Variants in CNTLN observed in about 807,000 individuals in gnomAD.
CNTLN encodes the protein centlein.
In CNTLN, 212 loss-of-function variants were observed where a neutral mutation model predicts 180.0. That is an observed-to-expected ratio of 1.18 (90% CI 1.05 to 1.32). The LOEUF (loss-of-function observed/expected upper bound fraction) is 1.32, where lower values mean the gene tolerates loss of function less well. Ranked by LOEUF, CNTLN falls within the 40% of genes most tolerant of loss-of-function variation. The probability of loss-of-function intolerance (pLI) is 0.00; values close to 1 mark genes in which losing one functional copy is unlikely to be tolerated. For synonymous variants in CNTLN, 722 were observed against 563.1 expected, an observed-to-expected ratio of 1.28 and a Z score of -3.99; for missense variants, 2,095 against 1,610.9, an observed-to-expected ratio of 1.30 and a Z score of -5.14.
At chr9:17,353,115 GT>G (rs1210576566) in intron 12 of CNTLN, among the ~76,000 whole-genome samples, 1 of 151,842 alleles carries the variant, frequency 6.6e-6, no homozygotes, top group East Asian at 1.9e-4. Context: ...ATCTATGTTT[GT>G]TTTTTATTTT....
intron 25 of CNTLN, chr9:17,487,282 T>C (rs1307611927): frequency 1.9e-6 from 1 of 516,104 alleles, no homozygotes; most frequent in East Asian, 3.6e-5. Flanking sequence ...CCAACATGGG[T>C]CTTAGCAAAT....
At chr9:17,326,507 A>C (rs1215629523) in intron 8 of CNTLN, among the ~76,000 whole-genome samples, 1 of 152,108 alleles carries the variant, frequency 6.6e-6, no homozygotes, top group East Asian at 1.9e-4. Context: ...CATGTATATC[A>C]TATATTTTAT....
intron 13 of CNTLN, among the ~76,000 whole-genome samples, chr9:17,371,113 A>G (rs1824281865): frequency 6.6e-6 from 1 of 152,196 alleles, no homozygotes; most frequent in African/African-American, 2.4e-5. Context: ...TGGTAGGAGT[A>G]AGTTCTTACT....
At chr9:17,274,132 T>C (rs552196707) in intron 6 of CNTLN, among the ~76,000 whole-genome samples, 31 of 152,232 alleles carry the variant, frequency 2.0e-4, no homozygotes, top group African/African-American at 7.5e-4. Context: ...TTTCATTCAT[T>C]GTTTTCTTCT....
chr9:17,431,610 G>A (rs186340150), intron 18 of CNTLN, among the ~76,000 whole-genome samples: 1 of 151,978 alleles, frequency 6.6e-6, no homozygotes, highest in African/African-American at 2.4e-5. Flanking sequence ...AAAAAATATT[G>A]GCCCAAACCA....
intron 6 of CNTLN, among the ~76,000 whole-genome samples, chr9:17,289,750 T>G (rs1829236951): frequency 6.9e-6 from 1 of 144,476 alleles, no homozygotes; most frequent in Non-Finnish European, 1.5e-5. Flanking sequence ...TCACTTCATT[T>G]CATTCATTTC....
chr9:17,267,808 C>A (rs897009804), intron 5 of CNTLN, among the ~76,000 whole-genome samples: 2 of 152,198 alleles, frequency 1.3e-5, no homozygotes, highest in African/African-American at 4.8e-5. Context: ...ATCACTGATA[C>A]CCTTTCTTCC....
In CNTLN at chr9:17,135,096, C is replaced by T. The variant is rs1817603111; in HGVS notation, c.31C>T (p.Pro11Ser). 2 of 1,604,520 alleles carry T rather than the reference C, an allele frequency of 1.2e-6. No homozygotes were observed. The highest frequency in any genetic ancestry group is 1.7e-5 in the Admixed American group (1 of 59,334). Residue 11 changes from proline (P) to serine (S), a missense_variant, in exon 1 of 26, where the codon CCT becomes TCT. By Grantham distance (74) the Pro-to-Ser change is moderately conservative. Transcript: ENST00000380647. Reference protein sequence around the residue: MAARSPPSPHPSPPARQLGPR... With the variant: MAARSPPSPHSSPPARQLGPR... The stretch of plus-strand genomic sequence containing the variant: ...GGCGCGTTCGCCTCCCTCACCGCAC[C>T]CTTCGCCCCCAGCGCGACAGCTGGG...
At position 17,458,346 on chromosome 9, in the gene CNTLN, G is replaced by C. The variant is rs188732442; in HGVS notation, c.3306+631G>C. On this transcript the variant is annotated intron_variant, in intron 19 of 25. Transcript: ENST00000380647. ...TGTGAGTGATCCTCACACTTAATTGGAAAGTTCATTTTCATGCTTCTTAAG... is the reference window on the plus strand; with the variant it reads ...TGTGAGTGATCCTCACACTTAATTGCAAAGTTCATTTTCATGCTTCTTAAG... Among the ~76,000 whole-genome samples the C allele has an allele frequency of 1.8e-3, 279 of 151,986 alleles. 2 individuals carry two copies. The highest frequency in any genetic ancestry group is 6.3e-3 in the African/African-American group (260 of 41,524).
chr9:17,269,512 C>G (rs575501219), intron 5 of CNTLN, among the ~76,000 whole-genome samples: 1 of 152,086 alleles, frequency 6.6e-6, no homozygotes, highest in Non-Finnish European at 1.5e-5. Flanking sequence ...CTTTCATGAT[C>G]TCTTGTTTGG....
chr9:17,481,391 C>G (rs76343597), intron 23 of CNTLN, among the ~76,000 whole-genome samples: 5,405 of 152,318 alleles, frequency 0.035, 319 homozygotes, highest in African/African-American at 0.12. Context: ...ACAGCCTCAC[C>G]TGGTCAAGGA....
intron 15 of CNTLN, among the ~76,000 whole-genome samples, chr9:17,405,842 G>A (rs939130580): frequency 1.3e-5 from 2 of 151,598 alleles, no homozygotes; most frequent in African/African-American, 2.4e-5. Flanking sequence ...TGGCTGGAGT[G>A]CAGTGGCGTG....
chr9:17,517,661 G>C, the CNTLN span, among the ~76,000 whole-genome samples: 3 of 152,048 alleles, frequency 2.0e-5, no homozygotes, highest in Non-Finnish European at 4.4e-5. Context: ...ACCACCAGGA[G>C]CTAGAACAGA....
At chr9:17,314,339 TA>T (rs1368982404) in intron 8 of CNTLN, among the ~76,000 whole-genome samples, 1 of 152,210 alleles carries the variant, frequency 6.6e-6, no homozygotes, top group East Asian at 1.9e-4. Flanking sequence ...TTGTAAAATA[TA>T]TGTTATAGAG....
intron 5 of CNTLN, among the ~76,000 whole-genome samples, chr9:17,242,710 G>C (rs10756856): frequency 0.45 from 68,302 of 152,012 alleles, 16,653 homozygotes; most frequent in African/African-American, 0.65. Flanking sequence ...AGGATAAATT[G>C]CACTTGGTCA....
intron 8 of CNTLN, among the ~76,000 whole-genome samples, chr9:17,317,450 A>G (rs1227401103): frequency 2.0e-5 from 3 of 152,204 alleles, no homozygotes; most frequent in African/African-American, 7.2e-5. Flanking sequence ...ATATTTATTG[A>G]TATTCTACTA....
intron 18 of CNTLN, among the ~76,000 whole-genome samples, chr9:17,439,458 G>A (rs943105762): frequency 6.6e-6 from 1 of 152,058 alleles, no homozygotes; most frequent in Middle Eastern, 3.2e-3. Flanking sequence ...AAACTAATGG[G>A]TCAAAGAAGA....
At chr9:17,509,230 C>T in the CNTLN span, among the ~76,000 whole-genome samples, 1 of 152,206 alleles carries the variant, frequency 6.6e-6, no homozygotes. Flanking sequence ...CAGACCAACA[C>T]TCAGCCCTTG....
rs145129044 is a variant in CNTLN, at chr9:17,433,345, C to T, written c.3114+17156C>T. ...TGTCGCCCAAGCTGGAGTGCAATGG[C>T]GCAATCTTGGCTCACTGCAGCCTCT... On this transcript the variant is annotated intron_variant, in intron 18 of 25. Coordinates refer to ENST00000380647, the MANE Select transcript of CNTLN (RefSeq NM_017738.4). 4.8e-3 allele frequency among the ~76,000 whole-genome samples: 719 copies of T among 151,100 alleles called. 10 individuals are homozygous for T. The highest frequency in any genetic ancestry group is 0.016 in the African/African-American group (670 of 41,152).
Sources: allele counts gnomAD v4.1 joint callset (sites outside exome capture counted in the v4.1 genomes callset), GRCh38; gene constraint gnomAD v4.1.1; transcripts MANE v1.5; gene names NCBI Gene and HGNC (gene_info 2026-07-23, HGNC 2026-07-21).